Variants in PPP1R1C observed in about 807,000 individuals in gnomAD.
PPP1R1C encodes the protein protein phosphatase 1 regulatory inhibitor subunit 1C.
In PPP1R1C, 15 loss-of-function variants were observed where a neutral mutation model predicts 17.4. That is an observed-to-expected ratio of 0.86 (90% CI 0.58 to 1.33). PPP1R1C has a LOEUF of 1.33. PPP1R1C is among the 40% of genes most tolerant of loss of function. The pLI, the probability that PPP1R1C is intolerant of heterozygous loss-of-function variation, is 0.00. For synonymous variants in PPP1R1C, 35 were observed against 43.1 expected (o/e 0.81, Z 0.73); for missense variants, 143 against 130.0 (o/e 1.10, Z -0.48).
intron 1 of PPP1R1C, among the ~76,000 whole-genome samples, chr2:181,959,650 G>GA (rs1331762567): frequency 1.3e-5 from 2 of 151,878 alleles, no homozygotes; most frequent in African/African-American, 2.4e-5. Flanking sequence ...AGTGTCAGCT[G>GA]AAAAAAAAGC....
intron 2 of PPP1R1C, among the ~76,000 whole-genome samples, chr2:182,008,087 AT>A (rs112743378): frequency 8.5e-5 from 2 of 23,626 alleles, no homozygotes; most frequent in South Asian, 1.2e-3. Flanking sequence ...AAACAAATAA[AT>A]AAAAAAATAA....
chr2:182,042,601 G>T (rs892785457), intron 2 of PPP1R1C, among the ~76,000 whole-genome samples: 9 of 152,146 alleles, frequency 5.9e-5, no homozygotes, highest in African/African-American at 2.2e-4. Flanking sequence ...ATTCTTCTAG[G>T]GTCAGAGAAT....
chr2:182,118,470 G>A (rs971619182), downstream of PPP1R1C, among the ~76,000 whole-genome samples: 2 of 152,012 alleles, frequency 1.3e-5, no homozygotes, highest in Non-Finnish European at 2.9e-5. Context: ...AAATTCAAAT[G>A]TATCATGGAT....
At chr2:182,051,182 T>A (rs577935930) in intron 2 of PPP1R1C, among the ~76,000 whole-genome samples, 2 of 152,360 alleles carry the variant, frequency 1.3e-5, no homozygotes, top group East Asian at 3.9e-4. Context: ...TGATTGAGAC[T>A]TTTATTCTGC....
rs191604169 is a variant in PPP1R1C at position 182,054,943 on chromosome 2, G to A, written c.143-6499G>A. Among the ~76,000 whole-genome samples the A allele has an allele frequency of 1.3e-3, 194 of 152,322 alleles. 1 individual carries two copies. Among genetic ancestry groups the A allele is most frequent in the African/African-American group, 4.2e-3 (175 of 41,574 alleles). On this transcript the variant is annotated intron_variant, in intron 2 of 4. Transcript: ENST00000682840. ...CCCAAAGTGCTGGGATTACAGGCATGAGCCACCACACCTGGCCCAGTGTGT... is the reference window on the plus strand; with the variant it reads ...CCCAAAGTGCTGGGATTACAGGCATAAGCCACCACACCTGGCCCAGTGTGT...
chr2:181,958,120 A>G (rs887254538), intron 1 of PPP1R1C, among the ~76,000 whole-genome samples: 1 of 152,206 alleles, frequency 6.6e-6, no homozygotes, highest in Non-Finnish European at 1.5e-5. Flanking sequence ...GAGATATGCT[A>G]AGGAAGCGCT....
At chr2:182,120,744 G>T (rs2125240044), downstream of PPP1R1C, among the ~76,000 whole-genome samples, 1 of 152,064 alleles carries the variant, frequency 6.6e-6, no homozygotes, top group South Asian at 2.1e-4. Context: ...TTTTCAAAGG[G>T]ACTCAGGCAA....
At chr2:182,124,314 GT>G (rs796745919) in intron 5 of PPP1R1C, among the ~76,000 whole-genome samples, 8,017 of 41,362 alleles carry the variant, frequency 0.19, 654 homozygotes, top group African/African-American at 0.43. Context: ...GTTTTTTTTT[GT>G]TTTTTTTTTT....
intron 2 of PPP1R1C, among the ~76,000 whole-genome samples, chr2:182,056,698 AT>A (rs1574416269): frequency 6.6e-6 from 1 of 152,188 alleles, no homozygotes; most frequent in East Asian, 1.9e-4. Context: ...AGAATAAATC[AT>A]TCCTTTCCAT....
intron 2 of PPP1R1C, among the ~76,000 whole-genome samples, chr2:182,033,368 T>C (rs946348198): frequency 9.9e-5 from 15 of 152,198 alleles, no homozygotes; most frequent in African/African-American, 3.6e-4. Context: ...GAGCCAAAAA[T>C]ATTGCCTGAT....
intron 4 of PPP1R1C, among the ~76,000 whole-genome samples, chr2:182,086,757 A>G (rs1574440581): frequency 6.6e-6 from 1 of 152,184 alleles, no homozygotes; most frequent in Non-Finnish European, 1.5e-5. Context: ...TAATGAATAC[A>G]TATATGTATC....
chr2:182,062,566 A>G lies in PPP1R1C; in HGVS notation c.180+1087A>G, dbSNP rs532830571. 2.0e-5 allele frequency among the ~76,000 whole-genome samples: 3 copies of G among 152,180 alleles called. No individual in the cohort carries two copies. In the East Asian group the frequency reaches 5.8e-4, roughly 29 times the overall value. On this transcript the variant is annotated intron_variant, in intron 3 of 4. Coordinates refer to ENST00000682840, the MANE Select transcript of PPP1R1C (RefSeq NM_001080545.3). ...TGTGCATAGTATGTAGGTATCACAA[A>G]ACTCTATTCTGGAGAAATTTGCTTA...
At chr2:181,956,474 G>A (rs1559036910) in intron 1 of PPP1R1C, among the ~76,000 whole-genome samples, 1 of 152,182 alleles carries the variant, frequency 6.6e-6, no homozygotes, top group East Asian at 1.9e-4. Context: ...TCGCCACACT[G>A]TCTGCCACAA....
chr2:181,999,914 G>A (rs936305864), intron 2 of PPP1R1C, among the ~76,000 whole-genome samples: 1 of 151,790 alleles, frequency 6.6e-6, no homozygotes, highest in African/African-American at 2.4e-5. Flanking sequence ...TCATTATCTT[G>A]ACTTAAATCA....
chr2:182,083,982 T>C (rs754893162), intron 4 of PPP1R1C, among the ~76,000 whole-genome samples: 1 of 152,186 alleles, frequency 6.6e-6, no homozygotes, highest in South Asian at 2.1e-4. Context: ...TCGTATTTCA[T>C]TGTGGTTTTA....
At chr2:182,048,321 G>A (rs1029567462) in intron 2 of PPP1R1C, among the ~76,000 whole-genome samples, 16 of 152,270 alleles carry the variant, frequency 1.1e-4, no homozygotes, top group African/African-American at 3.8e-4. Flanking sequence ...CCAAATGATA[G>A]GCCTTCAACG....
At chr2:181,965,435 T>C (rs753091378) in intron 1 of PPP1R1C, among the ~76,000 whole-genome samples, 2 of 152,248 alleles carry the variant, frequency 1.3e-5, no homozygotes, top group Non-Finnish European at 2.9e-5. Flanking sequence ...TTTGGGGTTC[T>C]TGATTTAAGT....
intron 5 of PPP1R1C, among the ~76,000 whole-genome samples, chr2:182,125,081 T>C (rs1273681938): frequency 2.0e-5 from 3 of 152,192 alleles, no homozygotes; most frequent in Non-Finnish European, 2.9e-5. Context: ...CATCAATACA[T>C]AGTTTGTTGA....
At chr2:182,023,851 G>T (rs1303743238) in intron 2 of PPP1R1C, 1 of 151,942 alleles carries the variant, frequency 6.6e-6, no homozygotes, top group East Asian at 1.9e-4. Flanking sequence ...TGCCAGGCTG[G>T]TCTTGAACTC....
Sources: allele counts gnomAD v4.1 joint callset (sites outside exome capture counted in the v4.1 genomes callset), GRCh38; gene constraint gnomAD v4.1.1; transcripts MANE v1.5; gene names NCBI Gene and HGNC (gene_info 2026-07-23, HGNC 2026-07-21).